The following COL24A1 variants were observed in gnomAD, a reference collection of about 807,000 sequenced individuals.
The protein encoded by COL24A1 is collagen alpha-1(XXIV) chain.
Under a neutral mutation model 253.9 loss-of-function variants are expected in COL24A1, and 224 were observed. The ratio of observed to expected loss-of-function variants is 0.88; its 90% CI spans 0.79 to 0.99. COL24A1 has a LOEUF of 0.99. Ranked by LOEUF, COL24A1 falls within the 50% of genes least tolerant of loss-of-function variation. COL24A1 has a pLI of 0.00. For synonymous variants in COL24A1, 685 were observed against 673.7 expected (o/e 1.02, Z -0.26); for missense variants, 2,131 against 2,068.5 (o/e 1.03, Z -0.59).
chr1:86,088,414 G>A (rs58275449), intron 7 of COL24A1, among the ~76,000 whole-genome samples: 9,586 of 152,096 alleles, frequency 0.063, 504 homozygotes, highest in East Asian at 0.28. Flanking sequence ...ACCTTAAGAA[G>A]AAATTTTTTA....
rs984800962 is a variant in COL24A1, at chr1:85,729,907, A to G, written c.*639T>C. The G allele has an allele frequency of 2.0e-5, 3 of 152,646 alleles. No homozygotes were observed. The highest frequency in any genetic ancestry group is 7.2e-5 in the African/African-American group (3 of 41,454). 9.5% of individuals were successfully genotyped at this position (152,646 alleles called of 1,614,324 possible). On this transcript the variant is annotated 3_prime_UTR_variant, in exon 60 of 60. Transcript: ENST00000370571. ...TAAGTGTGTGACCAAACAAATTAAA[A>G]TAAGTACTAACAACCAAAACATATC...
intron 37 of COL24A1, among the ~76,000 whole-genome samples, chr1:85,856,506 G>A (rs1176493274): frequency 6.6e-6 from 1 of 152,122 alleles, no homozygotes; most frequent in Non-Finnish European, 1.5e-5. Context: ...ATAGTTTTGA[G>A]AAATTTGTAT....
In COL24A1 at chr1:85,868,654, A is replaced by G. The variant is rs758058235; in HGVS notation, c.3193-28T>C. 5.1e-6 allele frequency: 8 copies of G among 1,577,220 alleles called. No individual in the cohort carries two copies. The Admixed American group carries it at 1.2e-4, about 23-fold the overall frequency. On this transcript the variant is annotated intron_variant, in intron 36 of 59. Coordinates refer to ENST00000370571, the MANE Select transcript of COL24A1 (RefSeq NM_152890.7). Reference sequence around the variant, plus strand: ...GTAATGCAATAAAAAAGTTTTCTATAAAGGAATACAGTGAAATAATTATGC... The same window carrying G: ...GTAATGCAATAAAAAAGTTTTCTATGAAGGAATACAGTGAAATAATTATGC...
intron 37 of COL24A1, among the ~76,000 whole-genome samples, chr1:85,857,838 C>T (rs1678630630): frequency 6.6e-6 from 1 of 152,138 alleles, no homozygotes; most frequent in South Asian, 2.1e-4. Flanking sequence ...TTCCACTAAT[C>T]AGTAAGTAGG....
At chr1:86,013,317 C>A (rs1696704600) in intron 19 of COL24A1, among the ~76,000 whole-genome samples, 1 of 152,188 alleles carries the variant, frequency 6.6e-6, no homozygotes, top group Non-Finnish European at 1.5e-5. Context: ...CACATTGTAA[C>A]ATCCATCTAT....
At chr1:85,807,993 T>C (rs1672155220) in intron 47 of COL24A1, among the ~76,000 whole-genome samples, 1 of 152,186 alleles carries the variant, frequency 6.6e-6, no homozygotes, top group African/African-American at 2.4e-5. Context: ...CAATAAAGAC[T>C]GTGAGCTCAG....
At chr1:85,973,743 C>T (rs764973620) in intron 20 of COL24A1, among the ~76,000 whole-genome samples, 3 of 152,074 alleles carry the variant, frequency 2.0e-5, no homozygotes, top group Non-Finnish European at 2.9e-5. Flanking sequence ...TTATCCAGAA[C>T]CAGAAATAAT....
intron 47 of COL24A1, among the ~76,000 whole-genome samples, chr1:85,805,647 A>G (rs187592350): frequency 7.2e-5 from 11 of 152,314 alleles, no homozygotes; most frequent in Non-Finnish European, 8.8e-5. Flanking sequence ...ACAAAATAAG[A>G]AATATAATTA....
At chr1:85,834,305 T>TGA (rs1675750056) in intron 43 of COL24A1, among the ~76,000 whole-genome samples, 2 of 148,352 alleles carry the variant, frequency 1.3e-5, no homozygotes, top group South Asian at 2.1e-4. Flanking sequence ...AGAGAGAGAT[T>TGA]GAGAGAGAGA....
chr1:86,010,314 CAAAGGT>C (rs1314412579), intron 19 of COL24A1, among the ~76,000 whole-genome samples: 1 of 152,004 alleles, frequency 6.6e-6, no homozygotes, highest in African/African-American at 2.4e-5. Context: ...TAATAGTTAT[CAAAGGT>C]AAAGGGCTAA....
chr1:85,917,322 G>T (rs1251403487), intron 24 of COL24A1, among the ~76,000 whole-genome samples: 16 of 152,138 alleles, frequency 1.1e-4, no homozygotes, highest in Non-Finnish European at 5.9e-5. Flanking sequence ...TAGAGTAGTG[G>T]CTCATTATTT....
At chr1:85,744,484 G>A (rs145859992) in intron 57 of COL24A1, among the ~76,000 whole-genome samples, 182 bp downstream of exon 57, 6 of 151,870 alleles carry the variant, frequency 4.0e-5, no homozygotes, top group African/African-American at 1.4e-4. Context: ...ATAGCTAGGG[G>A]TGGATGACAT....
At chr1:86,142,809 A>G (rs2102399378) in intron 2 of COL24A1, among the ~76,000 whole-genome samples, 1 of 152,288 alleles carries the variant, frequency 6.6e-6, no homozygotes, top group South Asian at 2.1e-4. Flanking sequence ...GAAAAGGCCT[A>G]CTAAGTGCCT....
intron 19 of COL24A1, among the ~76,000 whole-genome samples, chr1:86,013,463 A>T (rs1696719391): frequency 6.6e-6 from 1 of 152,218 alleles, no homozygotes; most frequent in Admixed American, 6.5e-5. Flanking sequence ...GATCGTATTC[A>T]AATCTGAAAT....
chr1:86,070,606 A>G (rs1701809487), intron 7 of COL24A1, among the ~76,000 whole-genome samples: 1 of 152,200 alleles, frequency 6.6e-6, no homozygotes, highest in African/African-American at 2.4e-5. Context: ...AACAAATAAC[A>G]TACTATGGAG....
chr1:86,107,908 A>C (rs1705157719), intron 5 of COL24A1, among the ~76,000 whole-genome samples: 2 of 152,224 alleles, frequency 1.3e-5, no homozygotes, highest in Non-Finnish European at 2.9e-5. Context: ...CTTAAATTAA[A>C]TATGAATTAA....
At chr1:85,836,606 G>A (rs572722255) in intron 43 of COL24A1, among the ~76,000 whole-genome samples, 1 of 152,258 alleles carries the variant, frequency 6.6e-6, no homozygotes, top group South Asian at 2.1e-4. Context: ...GAGGGAGAAA[G>A]GTGGATATTT....
At chr1:85,967,357 C>T (rs538597908) in intron 22 of COL24A1, among the ~76,000 whole-genome samples, 1 of 152,076 alleles carries the variant, frequency 6.6e-6, no homozygotes, top group Admixed American at 6.6e-5. Context: ...AGAATGTAAT[C>T]AAAGGAATAA....
chr1:85,869,616 G>T lies in COL24A1; in HGVS notation c.3139-781C>A, dbSNP rs368011755. 7.2e-5 allele frequency among the ~76,000 whole-genome samples: 11 copies of T among 152,224 alleles called. 1 individual carries two copies. The South Asian group carries it at 2.1e-3, about 29-fold the overall frequency. On this transcript the variant is annotated intron_variant, in intron 35 of 59. Transcript: ENST00000370571. ...CAAACTAAGCTTCATAAGTGAAGGA[G>T]AAATAAAATCCTTTAAGGACAAACA... is the stretch of plus-strand genomic sequence containing the variant.
Sources: gnomAD v4.1 joint callset for allele counts (sites outside exome capture counted in the v4.1 genomes callset) on GRCh38, gnomAD v4.1.1 for gene constraint, MANE v1.5 for transcripts, NCBI Gene and HGNC (gene_info 2026-07-23, HGNC 2026-07-21) for gene names.